Variants in CD302 observed in about 807,000 individuals in gnomAD.
The protein encoded by CD302 is CD302 antigen.
In CD302, 23 loss-of-function variants were observed where a neutral mutation model predicts 26.5. The observed-to-expected ratio is 0.87, with a 90% confidence interval of 0.62 to 1.23. The LOEUF (loss-of-function observed/expected upper bound fraction) is 1.23, where lower values mean the gene tolerates loss of function less well. Among genes scored for constraint, CD302 ranks in the 50% most tolerant of loss-of-function variants. The probability of loss-of-function intolerance (pLI) is 0.00; values close to 1 mark genes in which losing one functional copy is unlikely to be tolerated. For missense variants in CD302, 290 were observed against 275.5 expected, an observed-to-expected ratio of 1.05 and a Z score of -0.37; for synonymous variants, 90 against 99.4, an observed-to-expected ratio of 0.91 and a Z score of 0.56.
chr2:159,781,127 T>C (rs1204954999), intron 2 of CD302, 129 bp from the exon 3 acceptor site: 1 of 721,254 alleles, frequency 1.4e-6, no homozygotes, highest in African/African-American at 1.8e-5. Context: ...AACTTTGATC[T>C]TACAGTTCAT....
Position 159,771,557 on chromosome 2 carries a change from G to C in CD302, c.*294C>G, listed in dbSNP as rs1189281662. 2 of 273,640 alleles carry C rather than the reference G, an allele frequency of 7.3e-6. No individual in the cohort carries two copies. Among genetic ancestry groups the C allele is most frequent in the South Asian group, 5.5e-5 (1 of 18,154 alleles). The allele number at this position is 273,640 out of a possible 1,614,324, so 17.0% of individuals were successfully genotyped here. On this transcript the variant is annotated 3_prime_UTR_variant, in exon 6 of 6. Coordinates refer to ENST00000259053, the MANE Select transcript of CD302 (RefSeq NM_014880.5). ...AAGATACAGCAGGCAAGACAAATAG[G>C]CTGGGCTTTTATTTTTATCTGCTTG...
intron 5 of CD302, among the ~76,000 whole-genome samples, chr2:159,772,675 T>C (rs537678894): frequency 3.1e-4 from 47 of 152,288 alleles, no homozygotes; most frequent in Middle Eastern, 3.4e-3. Flanking sequence ...AACATACTTT[T>C]GGGCAGGTAC....
intron 1 of CD302, among the ~76,000 whole-genome samples, chr2:159,797,298 CTTGT>C (rs1209512624): frequency 1.3e-5 from 2 of 151,540 alleles, no homozygotes; most frequent in Non-Finnish European, 2.9e-5. Context: ...TCATTTAGTT[CTTGT>C]TTATTTTGCT....
intron 1 of CD302, among the ~76,000 whole-genome samples, chr2:159,797,225 G>C (rs1007668726): frequency 7.4e-6 from 1 of 135,120 alleles, no homozygotes; most frequent in Non-Finnish European, 1.6e-5. Context: ...CAAGGGGTGG[G>C]GGGGGGGAAT....
intron 5 of CD302, among the ~76,000 whole-genome samples, chr2:159,775,433 CTT>C (rs1310120868): frequency 6.6e-6 from 1 of 152,098 alleles, no homozygotes; most frequent in African/African-American, 2.4e-5. Flanking sequence ...TTATGTGTAT[CTT>C]TATTTTTTCC....
In CD302 at chr2:159,769,954, T is replaced by G. The variant is rs904782404; in HGVS notation, c.*1897A>C. On this transcript the variant is annotated 3_prime_UTR_variant, in exon 6 of 6. Coordinates refer to ENST00000259053, the MANE Select transcript of CD302 (RefSeq NM_014880.5). Reference sequence around the variant, plus strand: ...GGCTAATGTAATTCGAAAACTGGATTTTAAACTAAATTTACTTAAATAGCC... The same window carrying G: ...GGCTAATGTAATTCGAAAACTGGATGTTAAACTAAATTTACTTAAATAGCC... The G allele has an allele frequency of 2.6e-5, 4 of 152,176 alleles. No individual in the cohort carries two copies. The highest frequency in any genetic ancestry group is 4.4e-5 in the Non-Finnish European group (3 of 68,032). The allele number at this position is 152,176 out of a possible 1,614,324, so 9.4% of individuals were successfully genotyped here.
At chr2:159,775,436 T>C (rs1005560738) in intron 5 of CD302, among the ~76,000 whole-genome samples, 3 of 152,202 alleles carry the variant, frequency 2.0e-5, no homozygotes, top group African/African-American at 7.2e-5. Context: ...TGTGTATCTT[T>C]ATTTTTTCCA....
At chr2:159,794,587 C>T (rs1389735152) in intron 1 of CD302, among the ~76,000 whole-genome samples, 5 of 151,670 alleles carry the variant, frequency 3.3e-5, no homozygotes, top group East Asian at 2.0e-4. Flanking sequence ...CTCGCTCTGT[C>T]GCCCAGGCTG....
chr2:159,788,506 C>T (rs1708726813), intron 1 of CD302, among the ~76,000 whole-genome samples: 1 of 152,152 alleles, frequency 6.6e-6, no homozygotes, highest in Non-Finnish European at 1.5e-5. Flanking sequence ...GACAAAATTG[C>T]CTAATGAAAA....
chr2:159,789,144 AG>A (rs1302688918), intron 1 of CD302, among the ~76,000 whole-genome samples: 2 of 144,782 alleles, frequency 1.4e-5, no homozygotes, highest in African/African-American at 5.2e-5. Flanking sequence ...CAGCCTCCTG[AG>A]TAGACAGGAT....
chr2:159,789,241 ATCC>A (rs1437746717), intron 1 of CD302, among the ~76,000 whole-genome samples: 21 of 152,104 alleles, frequency 1.4e-4, no homozygotes, highest in South Asian at 1.2e-3. Flanking sequence ...GTCTCAAGCA[ATCC>A]TCCTACCTTG....
chr2:159,782,724 C>CAA (rs765295574), intron 2 of CD302, among the ~76,000 whole-genome samples: 5 of 106,312 alleles, frequency 4.7e-5, no homozygotes, highest in Admixed American at 9.7e-5. Flanking sequence ...GACCCTGTCT[C>CAA]AAAAAAAAAA....
intron 2 of CD302, among the ~76,000 whole-genome samples, chr2:159,782,046 T>G (rs1412135000): frequency 1.3e-5 from 2 of 150,052 alleles, no homozygotes; most frequent in Non-Finnish European, 3.0e-5. Flanking sequence ...GCAGGTGGAT[T>G]GCCTGACCTC....
chr2:159,792,424 G>GTT (rs1708833289), intron 1 of CD302, among the ~76,000 whole-genome samples: 1 of 19,790 alleles, frequency 5.1e-5, no homozygotes, highest in South Asian at 8.7e-4. Context: ...AACCAACTCT[G>GTT]TGTGTGTGTG....
chr2:159,777,542 G>A lies in CD302; in HGVS notation c.496+396C>T, dbSNP rs545753418. The stretch of plus-strand genomic sequence containing the variant: ...ATACTCAAAGAAAATGAGAACATAG[G>A]TCCAAAAGAAGATGTGGGAGAATGT... On this transcript the variant is annotated intron_variant, in intron 5 of 5. Transcript: ENST00000259053. 6.6e-5 allele frequency among the ~76,000 whole-genome samples: 10 copies of A among 152,178 alleles called. No individual in the cohort carries two copies. The South Asian group carries it at 1.9e-3, about 28-fold the overall frequency.
At chr2:159,792,307 G>T (rs894187523) in intron 1 of CD302, among the ~76,000 whole-genome samples, 1 of 152,134 alleles carries the variant, frequency 6.6e-6, no homozygotes, top group African/African-American at 2.4e-5. Flanking sequence ...GAGGGCAAAG[G>T]TGGATATGCA....
intron 2 of CD302, among the ~76,000 whole-genome samples, chr2:159,782,556 A>G (rs1451474159): frequency 6.6e-6 from 1 of 152,014 alleles, no homozygotes; most frequent in African/African-American, 2.4e-5. Flanking sequence ...AACATAGTGA[A>G]ACCCTGTCTC....
chr2:159,776,599 C>T (rs2125795312), intron 5 of CD302, among the ~76,000 whole-genome samples: 1 of 152,094 alleles, frequency 6.6e-6, no homozygotes. Flanking sequence ...GGATGTAATT[C>T]CTGTATACAC....
chr2:159,779,232 A>AAAG (rs1708433030), intron 4 of CD302, among the ~76,000 whole-genome samples: 3 of 31,954 alleles, frequency 9.4e-5, no homozygotes, highest in African/African-American at 1.9e-4. Flanking sequence ...CTGCATCGCA[A>AAAG]AAAAAAAAAA....
Sources: allele counts gnomAD v4.1 joint callset (sites outside exome capture counted in the v4.1 genomes callset), GRCh38; gene constraint gnomAD v4.1.1; transcripts MANE v1.5; gene names NCBI Gene and HGNC (gene_info 2026-07-23, HGNC 2026-07-21).